The following KPNA3 variants were observed in gnomAD, a reference collection of about 807,000 sequenced individuals.
KPNA3 encodes the protein importin subunit alpha-4.
In KPNA3, 13 loss-of-function variants were observed where a neutral mutation model predicts 73.8. The ratio of observed to expected loss-of-function variants is 0.18; its 90% confidence interval spans 0.11 to 0.28. The LOEUF (loss-of-function observed/expected upper bound fraction) is 0.28, where lower values mean the gene tolerates loss of function less well. Among genes scored for constraint, KPNA3 ranks in the 10% least tolerant of loss-of-function variants. The pLI is 1.00. For missense variants in KPNA3, 360 were observed against 618.1 expected (o/e 0.58, Z 4.43); for synonymous variants, 186 against 206.9 (o/e 0.90, Z 0.87).
intron 1 of KPNA3, among the ~76,000 whole-genome samples, chr13:49,776,928 A>G (rs1022602377): frequency 6.6e-6 from 1 of 152,240 alleles, no homozygotes; most frequent in African/African-American, 2.4e-5. Flanking sequence ...TACTAACTGT[A>G]TAGTCCATTG....
intron 1 of KPNA3, among the ~76,000 whole-genome samples, chr13:49,789,663 T>C (rs1017562570): frequency 6.6e-6 from 1 of 152,238 alleles, no homozygotes; most frequent in African/African-American, 2.4e-5. Context: ...CTGTTTCTAA[T>C]GGACAAGACT....
At chr13:49,766,294 T>A (rs1284003944) in intron 1 of KPNA3, among the ~76,000 whole-genome samples, 1 of 152,222 alleles carries the variant, frequency 6.6e-6, no homozygotes, top group East Asian at 1.9e-4. Context: ...CTAGCAAGTT[T>A]ATTTTTGTAG....
chr13:49,710,411 T>C (rs1328363254), intron 11 of KPNA3, among the ~76,000 whole-genome samples: 1 of 152,198 alleles, frequency 6.6e-6, no homozygotes, highest in Non-Finnish European at 1.5e-5. Flanking sequence ...ATTAGGTTAT[T>C]GCAATTATTT....
chr13:49,744,166 T>C (rs1398405114), intron 2 of KPNA3, among the ~76,000 whole-genome samples: 1 of 152,212 alleles, frequency 6.6e-6, no homozygotes, highest in Non-Finnish European at 1.5e-5. Context: ...TTCATCAAGC[T>C]GGATACTTAC....
chr13:49,745,425 C>T (rs1178160411), intron 2 of KPNA3, among the ~76,000 whole-genome samples: 4 of 134,926 alleles, frequency 3.0e-5, no homozygotes, highest in African/African-American at 5.3e-5. Context: ...AGTGGCGTGA[C>T]CCTGGCTCAC....
chr13:49,730,589 A>C (rs1954456439), intron 6 of KPNA3, among the ~76,000 whole-genome samples: 1 of 148,822 alleles, frequency 6.7e-6, no homozygotes, highest in South Asian at 2.1e-4. Flanking sequence ...TAGAAGTAGA[A>C]TAGAACTTAT....
At chr13:49,731,421 T>C (rs1038130233) in intron 6 of KPNA3, among the ~76,000 whole-genome samples, 1 of 152,118 alleles carries the variant, frequency 6.6e-6, no homozygotes, top group Non-Finnish European at 1.5e-5. Flanking sequence ...AAAATAAAAC[T>C]TACCTTTACT....
At chr13:49,752,439 A>G (rs1244828111) in intron 1 of KPNA3, among the ~76,000 whole-genome samples, 1 of 152,218 alleles carries the variant, frequency 6.6e-6, no homozygotes, top group Non-Finnish European at 1.5e-5. Context: ...GCTGTAAGAA[A>G]TGAGAGAATA....
At chr13:49,733,581 G>C (rs935237343) in intron 2 of KPNA3, among the ~76,000 whole-genome samples, 3 of 152,150 alleles carry the variant, frequency 2.0e-5, no homozygotes, top group Non-Finnish European at 4.4e-5. Flanking sequence ...GAGCCACTGC[G>C]CCTTGCCTAT....
At chr13:49,774,643 G>A (rs1438440183) in intron 1 of KPNA3, among the ~76,000 whole-genome samples, 2 of 152,190 alleles carry the variant, frequency 1.3e-5, no homozygotes, top group African/African-American at 4.8e-5. Context: ...GAAAAGCATA[G>A]GGAGGGATAT....
chr13:49,761,224 G>A (rs898551822), intron 1 of KPNA3, among the ~76,000 whole-genome samples: 6 of 151,282 alleles, frequency 4.0e-5, no homozygotes, highest in African/African-American at 7.3e-5. Context: ...CTCTCCCCAC[G>A]GTCTCCCTCT....
chr13:49,750,449 G>A (rs1401186292), intron 1 of KPNA3, among the ~76,000 whole-genome samples: 1 of 151,870 alleles, frequency 6.6e-6, no homozygotes, highest in Non-Finnish European at 1.5e-5. Context: ...GCACAGCCAT[G>A]CTCAGCTGAT....
intron 2 of KPNA3, among the ~76,000 whole-genome samples, chr13:49,735,515 C>T (rs1954514064): frequency 1.3e-5 from 2 of 152,168 alleles, no homozygotes; most frequent in African/African-American, 2.4e-5. Flanking sequence ...AAACCAGTAA[C>T]TTAAACTGTC....
At position 49,701,694 on chromosome 13, in the gene KPNA3, AG is replaced by A. The variant is rs1954149285; in HGVS notation, c.*105del. The A allele has an allele frequency of 5.0e-6, 4 of 801,750 alleles. No homozygotes were observed. Among genetic ancestry groups the A allele is most frequent in the Non-Finnish European group, 9.0e-6 (4 of 444,732 alleles). The allele number at this position is 801,750 out of a possible 1,614,324, so 49.7% of individuals were successfully genotyped here. A position where few individuals can be genotyped will look rare whatever the true frequency, so the allele number is the denominator to read the frequency against. On this transcript the variant is annotated 3_prime_UTR_variant, in exon 17 of 17. Transcript: ENST00000261667. Reference sequence around the variant, plus strand: ...TTGCTTTAGAAGCATCAAAACAAAGAGGCATGTGTGTTTTGGAGCCTTTTGT... The same window carrying A: ...TTGCTTTAGAAGCATCAAAACAAAGAGCATGTGTGTTTTGGAGCCTTTTGT...
intron 15 of KPNA3, among the ~76,000 whole-genome samples, chr13:49,704,437 AT>A (rs1566330824): frequency 0.2 from 931 of 4,574 alleles, 12 homozygotes; most frequent in Admixed American, 0.32. Context: ...TAAATAAAAA[AT>A]AAATAAATAA....
intron 1 of KPNA3, among the ~76,000 whole-genome samples, chr13:49,755,284 T>C (rs767843830): frequency 6.6e-6 from 1 of 151,932 alleles, no homozygotes; most frequent in Non-Finnish European, 1.5e-5. Flanking sequence ...CAGAAAAAAA[T>C]GACAAAATTC....
Position 49,762,223 on chromosome 13 carries a change from GC to G in KPNA3, c.70-15231del, listed in dbSNP as rs570122360. 1.9e-3 allele frequency among the ~76,000 whole-genome samples: 286 copies of G among 149,396 alleles called. 1 individual carries two copies. Among genetic ancestry groups the G allele is most frequent in the African/African-American group, 6.8e-3 (278 of 40,622 alleles). Reference sequence around the variant, plus strand: ...GTGGAGGGCAGCCCCCGCCCGGCCAGCCGCCCCGTCGCGGAGGGAGGAGGGG... The same window carrying G: ...GTGGAGGGCAGCCCCCGCCCGGCCAGCGCCCCGTCGCGGAGGGAGGAGGGG... On this transcript the variant is annotated intron_variant, in intron 1 of 16. Transcript: ENST00000261667.
At chr13:49,738,465 T>C (rs906706986) in intron 2 of KPNA3, among the ~76,000 whole-genome samples, 2 of 152,194 alleles carry the variant, frequency 1.3e-5, no homozygotes, top group East Asian at 1.9e-4. Context: ...CATTATTACG[T>C]TGAGGCTTCC....
chr13:49,757,166 A>G (rs1216776922), intron 1 of KPNA3, among the ~76,000 whole-genome samples: 1 of 152,182 alleles, frequency 6.6e-6, no homozygotes, highest in Non-Finnish European at 1.5e-5. Flanking sequence ...ATGATCCATA[A>G]CAGAAATAGT....
Sources: gnomAD v4.1 joint callset for allele counts (sites outside exome capture counted in the v4.1 genomes callset) on GRCh38, gnomAD v4.1.1 for gene constraint, MANE v1.5 for transcripts, NCBI Gene and HGNC (gene_info 2026-07-23, HGNC 2026-07-21) for gene names.